Variants in HMCN1 observed in about 807,000 individuals in gnomAD.
HMCN1 encodes the protein hemicentin-1.
HMCN1 carries 321 observed loss-of-function variants against 625.9 expected under a neutral mutation model. That is an observed-to-expected ratio of 0.51 (90% CI 0.47 to 0.56). HMCN1 has a LOEUF of 0.56. HMCN1 is among the 20% of genes least tolerant of loss of function. The pLI is 0.00. For synonymous variants in HMCN1, 2,425 were observed against 2,417.6 expected, an observed-to-expected ratio of 1.00 and a Z score of -0.09; for missense variants, 6,588 against 6,887.3, an observed-to-expected ratio of 0.96 and a Z score of 1.54.
At chr1:185,737,226 C>T (rs796240376) in intron 1 of HMCN1, among the ~76,000 whole-genome samples, 15 of 151,894 alleles carry the variant, frequency 9.9e-5, no homozygotes, top group African/African-American at 3.6e-4. Context: ...ACTATCATGG[C>T]TCACTGCAGA....
intron 104 of HMCN1, 32 bp downstream of exon 104, chr1:186,178,798 G>A: frequency 1.4e-6 from 2 of 1,410,340 alleles, no homozygotes; most frequent in Non-Finnish European, 2.0e-6. Flanking sequence ...TTTCCTTTCT[G>A]TGGGCTCTCT....
intron 2 of HMCN1, among the ~76,000 whole-genome samples, chr1:185,859,126 CTT>C (rs1310360478): frequency 8.4e-5 from 9 of 107,036 alleles, no homozygotes; most frequent in Admixed American, 2.8e-4. Flanking sequence ...TGTTTATAAA[CTT>C]TGTGTGTGTG....
In HMCN1 at chr1:185,933,731, A is replaced by G; in HGVS notation, c.1735A>G (p.Lys579Glu). 1 of 1,613,922 alleles carries G rather than the reference A, an allele frequency of 6.2e-7. No individual in the cohort carries two copies. Among genetic ancestry groups the G allele is most frequent in the Non-Finnish European group, 8.5e-7 (1 of 1,179,840 alleles). Residue 579 changes from lysine to glutamate, a missense_variant, in exon 11 of 107, where the codon AAG becomes GAG. By Grantham distance (56) the Lys-to-Glu change is moderately conservative. This residue lies in a region of HMCN1 where 4,628 missense variants were observed against 4,853.1 expected (regional missense o/e 0.95). Transcript: ENST00000271588. The part of the protein sequence containing the change: ...RTLANLSLEL[K>E]SVKFNDAGEY... ...CTTGGCTAATCTGTCATTGGAGCTA[A>G]AGAGTGTGAAATTCAACGATGCTGG...
At chr1:185,802,845 A>G (rs1399413271) in intron 1 of HMCN1, among the ~76,000 whole-genome samples, 4 of 152,034 alleles carry the variant, frequency 2.6e-5, no homozygotes, top group African/African-American at 7.2e-5. Context: ...AAGTGGGGGG[A>G]GAAAGATGGA....
intron 89 of HMCN1, among the ~76,000 whole-genome samples, chr1:186,138,622 T>G (rs901841499): frequency 6.6e-6 from 1 of 152,190 alleles, no homozygotes; most frequent in Non-Finnish European, 1.5e-5. Context: ...ACTCTTTCCA[T>G]GTGGTGGAAA....
At chr1:185,857,049 T>C (rs749199497) in intron 2 of HMCN1, among the ~76,000 whole-genome samples, 10 of 152,356 alleles carry the variant, frequency 6.6e-5, no homozygotes, top group Non-Finnish European at 1.3e-4. Flanking sequence ...TAATCTGTGT[T>C]TTACTACTCC....
intron 1 of HMCN1, among the ~76,000 whole-genome samples, chr1:185,748,745 G>A (rs889908253): frequency 6.6e-6 from 1 of 152,144 alleles, no homozygotes. Flanking sequence ...TATCAGTAAA[G>A]TGAGAATAAC....
At chr1:185,877,366 C>T (rs1181141996) in intron 4 of HMCN1, among the ~76,000 whole-genome samples, 9 of 115,530 alleles carry the variant, frequency 7.8e-5, no homozygotes, top group African/African-American at 1.0e-4. Flanking sequence ...GTACCATGCT[C>T]GCCTTGTTGT....
chr1:185,735,645 A>G (rs1356658828), intron 1 of HMCN1, among the ~76,000 whole-genome samples: 1 of 152,228 alleles, frequency 6.6e-6, no homozygotes, highest in Non-Finnish European at 1.5e-5. Context: ...TATAAACATT[A>G]CATCCATGTC....
intron 16 of HMCN1, chr1:185,978,216 TGAC>T: frequency 2.2e-6 from 1 of 458,260 alleles, no homozygotes; most frequent in Non-Finnish European, 3.9e-6. Context: ...TGAAACAATA[TGAC>T]TTCTTCATAT....
In HMCN1 at chr1:186,093,576, G is replaced by C. The variant is rs749993455; in HGVS notation, c.10103G>C (p.Gly3368Ala). ...TSINIECRAT[G>A]TPPPQINWLK... is the part of the protein sequence containing the mutation. ...ATAAATATTGAATGCAGAGCCACAG[G>C]GACGCCTCCACCACAGATAAACTGG... is the stretch of plus-strand genomic sequence containing the variant. The change falls in exon 66 of 107, where the codon GGG (glycine) becomes GCG (alanine). Residue 3368 changes from glycine (G) to alanine (A), a missense_variant. By Grantham distance (60) the Gly-to-Ala change is moderately conservative (BLOSUM62 0). Around this residue, in one of 3 missense-constraint regions of HMCN1, gnomAD observed 4,628 missense variants for 4,853.1 expected, o/e 0.95. Transcript: ENST00000271588. 5.6e-6 allele frequency: 9 copies of C among 1,613,294 alleles called. No homozygotes were observed. The Admixed American group carries it at 1.2e-4, about 21-fold the overall frequency.
intron 30 of HMCN1, among the ~76,000 whole-genome samples, chr1:186,011,211 A>C (rs1469590765): frequency 6.6e-6 from 1 of 151,974 alleles, no homozygotes; most frequent in East Asian, 1.9e-4. Flanking sequence ...ATGCCCAGGT[A>C]ATTTTTTGTA....
At chr1:186,022,916 G>C in intron 35 of HMCN1, 114 bp from the exon 36 acceptor site, 1 of 1,044,548 alleles carries the variant, frequency 9.6e-7, no homozygotes, top group Non-Finnish European at 1.5e-6. Context: ...TAAGATATTG[G>C]CATGAAAATA....
At chr1:185,828,048 A>T (rs1660631763) in intron 1 of HMCN1, among the ~76,000 whole-genome samples, 6 of 152,218 alleles carry the variant, frequency 3.9e-5, no homozygotes, top group African/African-American at 1.4e-4. Context: ...CAACTTAGGG[A>T]ATATTGTTTA....
chr1:185,813,800 A>G (rs1571391124), intron 1 of HMCN1, among the ~76,000 whole-genome samples: 1 of 152,212 alleles, frequency 6.6e-6, no homozygotes, highest in Admixed American at 6.5e-5. Context: ...AGAAATAGTT[A>G]CAATTTTGCT....
chr1:185,838,812 G>T (rs948661140), intron 1 of HMCN1, among the ~76,000 whole-genome samples: 1 of 152,156 alleles, frequency 6.6e-6, no homozygotes, highest in Non-Finnish European at 1.5e-5. Flanking sequence ...CTTTCTTTAA[G>T]TGTATTTGTT....
At chr1:186,164,527 G>A (rs988181497) in intron 97 of HMCN1, among the ~76,000 whole-genome samples, 10 of 152,150 alleles carry the variant, frequency 6.6e-5, no homozygotes, top group Admixed American at 1.3e-4. Context: ...ACAGGCATGA[G>A]CCACCATGCC....
At chr1:186,052,887 A>T (rs1657054102) in intron 42 of HMCN1, 65 bp from the exon 43 acceptor site, 1 of 1,351,988 alleles carries the variant, frequency 7.4e-7, no homozygotes, top group South Asian at 1.2e-5. Context: ...TTTATCTTAC[A>T]TGTAAACTGT....
intron 6 of HMCN1, among the ~76,000 whole-genome samples, chr1:185,912,789 T>A (rs1485798890): frequency 6.6e-6 from 1 of 152,132 alleles, no homozygotes; most frequent in Non-Finnish European, 1.5e-5. Context: ...TTATCTCCTC[T>A]CTTCCTATTA....
Sources: gnomAD v4.1 joint callset for allele counts (sites outside exome capture counted in the v4.1 genomes callset) on GRCh38, gnomAD v4.1.1 for gene constraint, gnomAD v4.1.1 regional missense constraint, MANE v1.5 for transcripts, NCBI Gene and HGNC (gene_info 2026-07-23, HGNC 2026-07-21) for gene names.